The following S100Z variants were observed in gnomAD, a reference collection of about 807,000 sequenced individuals.
The protein encoded by S100Z is S100 calcium binding protein Z, also known as protein S100-Z.
S100Z carries 11 observed loss-of-function variants against 8.5 expected under a neutral mutation model. The ratio of observed to expected loss-of-function variants is 1.30; its 90% CI spans 0.82 to 2.15. The LOEUF is 2.15. S100Z is among the 30% of genes most tolerant of loss of function. The pLI, the probability that S100Z is intolerant of heterozygous loss-of-function variation, is 0.00. For synonymous variants in S100Z, 34 were observed against 43.8 expected (o/e 0.78, Z 0.89); for missense variants, 126 against 117.9 (o/e 1.07, Z -0.32).
intron 4 of S100Z, among the ~76,000 whole-genome samples, chr5:76,885,904 A>C (rs1034621659): frequency 5.2e-5 from 7 of 135,462 alleles, no homozygotes; most frequent in African/African-American, 2.0e-4. Context: ...AGAGGCATGG[A>C]GAGAAGGAGT....
At chr5:76,928,761 G>C in the S100Z span, among the ~76,000 whole-genome samples, 2 of 152,170 alleles carry the variant, frequency 1.3e-5, no homozygotes. Context: ...TCGTTTTAGA[G>C]ATTGGGTCTC....
rs137860104 is a variant in S100Z at position 76,889,450 on chromosome 5, C to T, written c.*2+11616C>T. 1.9e-3 allele frequency among the ~76,000 whole-genome samples: 289 copies of T among 152,232 alleles called. 2 individuals carry two copies. The highest frequency in any genetic ancestry group is 6.5e-3 in the African/African-American group (270 of 41,528). On this transcript the variant is annotated intron_variant, in intron 4 of 4. Transcript: ENST00000317593. ...CATGCAAGAGAAGATCTCGACATTT[C>T]GCAGGGGCCTTTAAGCTTTTCATTT...
chr5:76,900,876 G>T (rs1362831662), intron 4 of S100Z, among the ~76,000 whole-genome samples: 1 of 152,166 alleles, frequency 6.6e-6, no homozygotes, highest in Non-Finnish European at 1.5e-5. Context: ...CCTTGGGAAG[G>T]CTTTCCAGAT....
rs564939355 is a variant in S100Z, at chr5:76,921,066, A to C, written c.*352A>C. 1 of 152,382 alleles carries C rather than the reference A, an allele frequency of 6.6e-6. No homozygotes were observed. The highest frequency in any genetic ancestry group is 6.5e-5 in the Admixed American group (1 of 15,312). 9.4% of individuals were successfully genotyped at this position (152,382 alleles called of 1,614,324 possible). A position where few individuals can be genotyped will look rare whatever the true frequency, so the allele number is the denominator to read the frequency against. Reference sequence around the variant, plus strand: ...AGTTTATTGTAGGGGGAAATAATCAAATGTAATCTCATTACCCAGATATAA... The same window carrying C: ...AGTTTATTGTAGGGGGAAATAATCACATGTAATCTCATTACCCAGATATAA... On this transcript the variant is annotated 3_prime_UTR_variant, in exon 5 of 5. Coordinates refer to ENST00000317593, the MANE Select transcript of S100Z (RefSeq NM_130772.4).
Position 76,877,710 on chromosome 5 carries a change from C to A in S100Z, c.178C>A (p.Gln60Lys), listed in dbSNP as rs369719251. ...KETQLVDKIV[Q>K]DLDANKDNEV... ...AACCCAGTTGGTTGATAAGATAGTGCAGGACCTGGATGCCAATAAGGACAA... is the reference window on the plus strand; with the variant it reads ...AACCCAGTTGGTTGATAAGATAGTGAAGGACCTGGATGCCAATAAGGACAA... The change falls in exon 4 of 5, where the codon CAG becomes AAG. Residue 60 changes from glutamine (Q) to lysine (K), a missense_variant. By Grantham distance (53) the Gln-to-Lys change is moderately conservative (BLOSUM62 1). Transcript: ENST00000317593. 19 of 1,611,728 alleles carry A rather than the reference C, an allele frequency of 1.2e-5. No homozygotes were observed. The highest frequency in any genetic ancestry group is 1.7e-5 in the Admixed American group (1 of 59,964).
chr5:76,950,085 GT>G, the S100Z span, among the ~76,000 whole-genome samples: 1 of 152,066 alleles, frequency 6.6e-6, no homozygotes, highest in Non-Finnish European at 1.5e-5. Context: ...TTATTCAGTA[GT>G]CTTTATTTCT....
intron 4 of S100Z, among the ~76,000 whole-genome samples, chr5:76,917,159 G>T (rs2150686418): frequency 7.0e-6 from 1 of 143,190 alleles, no homozygotes; most frequent in African/African-American, 2.6e-5. Flanking sequence ...ATTTCAAAAA[G>T]TTGTATGAAA....
the S100Z span, among the ~76,000 whole-genome samples, chr5:76,946,958 C>T: frequency 3.9e-5 from 6 of 152,174 alleles, no homozygotes; most frequent in African/African-American, 1.4e-4. Context: ...ATCCCTATGG[C>T]TGCATTGAGA....
At chr5:76,944,948 C>A in the S100Z span, among the ~76,000 whole-genome samples, 1 of 152,068 alleles carries the variant, frequency 6.6e-6, no homozygotes, top group Admixed American at 6.5e-5. Flanking sequence ...TAGAGTAAGG[C>A]TGAAGGGAGT....
chr5:76,874,446 A>G (rs796399219), intron 2 of S100Z, among the ~76,000 whole-genome samples: 9 of 152,230 alleles, frequency 5.9e-5, no homozygotes, highest in South Asian at 2.1e-4. Context: ...AATGCACCCA[A>G]TGAGCACTAG....
chr5:76,913,830 C>G (rs888078985), intron 4 of S100Z, among the ~76,000 whole-genome samples: 1 of 152,150 alleles, frequency 6.6e-6, no homozygotes, highest in Admixed American at 6.5e-5. Flanking sequence ...AGGGATAGTA[C>G]GAGATGCTGC....
intron 1 of S100Z, among the ~76,000 whole-genome samples, chr5:76,853,422 G>A (rs1332425076): frequency 2.0e-5 from 3 of 152,184 alleles, no homozygotes; most frequent in Non-Finnish European, 4.4e-5. Flanking sequence ...ACCTTATTAA[G>A]CTTGAACTAC....
chr5:76,939,669 C>T, the S100Z span, among the ~76,000 whole-genome samples: 2 of 151,588 alleles, frequency 1.3e-5, no homozygotes, highest in African/African-American at 2.4e-5. Flanking sequence ...CACACCACCA[C>T]ACCCGGCTAA....
intron 4 of S100Z, among the ~76,000 whole-genome samples, chr5:76,882,256 G>T (rs1236449016): frequency 2.0e-5 from 3 of 152,196 alleles, no homozygotes; most frequent in Non-Finnish European, 4.4e-5. Flanking sequence ...GGCAGCCACT[G>T]CACACAGACA....
chr5:76,878,020 T>A, intron 4 of S100Z, 186 bp downstream of exon 4: 1 of 389,644 alleles, frequency 2.6e-6, no homozygotes, highest in Non-Finnish European at 4.6e-6. Flanking sequence ...ATGTAGATAT[T>A]CTAAATCTCA....
At chr5:76,864,502 A>G (rs1381318176) in intron 1 of S100Z, among the ~76,000 whole-genome samples, 2 of 145,538 alleles carry the variant, frequency 1.4e-5, no homozygotes, top group African/African-American at 2.6e-5. Flanking sequence ...CCTGGGCTCA[A>G]GCAATCCTAA....
chr5:76,896,880 A>T (rs1215882223), intron 4 of S100Z, among the ~76,000 whole-genome samples: 1 of 151,834 alleles, frequency 6.6e-6, no homozygotes, highest in East Asian at 1.9e-4. Flanking sequence ...TTTTGGTTGG[A>T]TTATTAGGTT....
chr5:76,863,023 C>T (rs1751111827), intron 1 of S100Z, among the ~76,000 whole-genome samples: 1 of 152,186 alleles, frequency 6.6e-6, no homozygotes, highest in African/African-American at 2.4e-5. Context: ...TGAACCTGGA[C>T]AACTCACAGT....
At chr5:76,852,807 C>T (rs1212039312) in intron 1 of S100Z, among the ~76,000 whole-genome samples, 2 of 152,164 alleles carry the variant, frequency 1.3e-5, no homozygotes, top group South Asian at 2.1e-4. Context: ...ATCAAGTATT[C>T]GGCCTAGGTG....
Sources: gnomAD v4.1 joint callset for allele counts (sites outside exome capture counted in the v4.1 genomes callset) on GRCh38, gnomAD v4.1.1 for gene constraint, MANE v1.5 for transcripts, NCBI Gene and HGNC (gene_info 2026-07-23, HGNC 2026-07-21) for gene names.